The following ARHGAP28 variants were observed in gnomAD, a reference collection of about 807,000 sequenced individuals.
ARHGAP28 encodes Rho GTPase activating protein 28.
ARHGAP28 carries 56 observed loss-of-function variants against 90.7 expected under a neutral mutation model. The ratio of observed to expected loss-of-function variants is 0.62; its 90% CI spans 0.50 to 0.77. ARHGAP28 has a LOEUF of 0.77. ARHGAP28 is among the 30% of genes least tolerant of loss of function. The probability of loss-of-function intolerance (pLI) is 0.00; values close to 1 mark genes in which losing one functional copy is unlikely to be tolerated. For synonymous variants in ARHGAP28, 308 were observed against 323.3 expected (o/e 0.95, Z 0.51); for missense variants, 869 against 900.9 (o/e 0.96, Z 0.45).
intron 4 of ARHGAP28, among the ~76,000 whole-genome samples, chr18:6,852,030 CTTATACT>C (rs1327018441): frequency 1.3e-5 from 2 of 152,116 alleles, no homozygotes; most frequent in African/African-American, 4.8e-5. Context: ...TTGTATGTTA[CTTATACT>C]TTATGTACAG....
At chr18:6,895,444 A>G (rs937177520) in intron 15 of ARHGAP28, among the ~76,000 whole-genome samples, 1 of 152,204 alleles carries the variant, frequency 6.6e-6, no homozygotes, top group Non-Finnish European at 1.5e-5. Context: ...AACAATAGAC[A>G]TTTATGATTC....
intron 1 of ARHGAP28, among the ~76,000 whole-genome samples, chr18:6,756,301 C>T (rs1217511460): frequency 6.6e-6 from 1 of 152,126 alleles, no homozygotes; most frequent in East Asian, 1.9e-4. Context: ...TTTCCCTTCC[C>T]TCTCTTCCTA....
intron 1 of ARHGAP28, among the ~76,000 whole-genome samples, chr18:6,748,366 T>C (rs2056041916): frequency 6.6e-6 from 1 of 152,168 alleles, no homozygotes; most frequent in Admixed American, 6.5e-5. Flanking sequence ...CTCTGGTACA[T>C]AGAGATTAGC....
At chr18:6,866,884 T>C (rs1308848369) in intron 5 of ARHGAP28, among the ~76,000 whole-genome samples, 2 of 152,196 alleles carry the variant, frequency 1.3e-5, no homozygotes, top group African/African-American at 4.8e-5. Context: ...AAAAGAGTCT[T>C]CTCTCCCATA....
At chr18:6,761,687 A>G (rs932827382) in intron 1 of ARHGAP28, among the ~76,000 whole-genome samples, 1 of 152,218 alleles carries the variant, frequency 6.6e-6, no homozygotes, top group Non-Finnish European at 1.5e-5. Context: ...AAGCATTGTT[A>G]ATGATCGAAT....
intron 1 of ARHGAP28, chr18:6,730,221 G>GTATGTATATATATATATATATATATA: frequency 5.8e-6 from 1 of 172,248 alleles, no homozygotes; most frequent in South Asian, 2.3e-4. Context: ...TAAGTCATGT[G>GTATGTATATATATATATATATATATA]TATATATATA....
chr18:6,903,107 T>C (rs904812044), intron 16 of ARHGAP28, among the ~76,000 whole-genome samples: 1 of 152,122 alleles, frequency 6.6e-6, no homozygotes, highest in African/African-American at 2.4e-5. Flanking sequence ...GTCAGAATCA[T>C]AGAGACAGAA....
At chr18:6,795,217 C>T (rs929905946) in intron 1 of ARHGAP28, among the ~76,000 whole-genome samples, 1 of 152,112 alleles carries the variant, frequency 6.6e-6, no homozygotes, top group Non-Finnish European at 1.5e-5. Context: ...GTATGAAAAG[C>T]AACGCGTTTT....
chr18:6,754,486 T>C (rs1221770615), intron 1 of ARHGAP28, among the ~76,000 whole-genome samples: 2 of 152,120 alleles, frequency 1.3e-5, no homozygotes, highest in Non-Finnish European at 1.5e-5. Flanking sequence ...CGGAGTAGGA[T>C]AGAGTTGGCA....
chr18:6,866,628 G>A (rs537919676), intron 5 of ARHGAP28, among the ~76,000 whole-genome samples: 1 of 152,164 alleles, frequency 6.6e-6, no homozygotes, highest in Non-Finnish European at 1.5e-5. Context: ...TGCTTTGTAA[G>A]TGTTATTCTG....
At chr18:6,896,078 G>T (rs2057302977) in intron 15 of ARHGAP28, among the ~76,000 whole-genome samples, 1 of 152,132 alleles carries the variant, frequency 6.6e-6, no homozygotes, top group African/African-American at 2.4e-5. Context: ...GCTAACTAAA[G>T]AAATAGGGTA....
chr18:6,756,666 C>T (rs1468017022), intron 1 of ARHGAP28, among the ~76,000 whole-genome samples: 1 of 152,086 alleles, frequency 6.6e-6, no homozygotes, highest in South Asian at 2.1e-4. Context: ...GGTGAAATAC[C>T]ATGAGGAGCA....
chr18:6,886,454 A>G (rs186063089), intron 11 of ARHGAP28, among the ~76,000 whole-genome samples: 78 of 152,346 alleles, frequency 5.1e-4, no homozygotes, highest in African/African-American at 1.8e-3. Flanking sequence ...ACTGAGGAAG[A>G]AAATACTCAA....
intron 2 of ARHGAP28, among the ~76,000 whole-genome samples, chr18:6,827,201 A>G (rs944696138): frequency 5.9e-5 from 9 of 152,272 alleles, no homozygotes; most frequent in South Asian, 2.1e-4. Flanking sequence ...TGAGCTGTTG[A>G]GTACACCTCC....
In ARHGAP28 at chr18:6,729,771, C is replaced by T; in HGVS notation, c.-51C>T. On this transcript the variant is annotated 5_prime_UTR_variant, in exon 1 of 18. Coordinates refer to ENST00000383472, the MANE Select transcript of ARHGAP28 (RefSeq NM_001366230.1). The stretch of plus-strand genomic sequence containing the variant: ...CAGCCTCCCGGCGCGCCGGTCCATG[C>T]TGGTCCCGGTCTTTGTTCTGGGGCC... The T allele has an allele frequency of 7.5e-7, 1 of 1,339,220 alleles. No homozygotes were observed. Among genetic ancestry groups the T allele is most frequent in the South Asian group, 1.9e-5 (1 of 52,132 alleles). The allele number at this position is 1,339,220 out of a possible 1,614,324, so 83.0% of individuals were successfully genotyped here. A position where few individuals can be genotyped will look rare whatever the true frequency, so the allele number is the denominator to read the frequency against.
intron 3 of ARHGAP28, among the ~76,000 whole-genome samples, chr18:6,845,859 G>A (rs2056862335): frequency 6.6e-6 from 1 of 152,224 alleles, no homozygotes; most frequent in African/African-American, 2.4e-5. Flanking sequence ...GTAGTGATAA[G>A]TGGGAAAAAG....
intron 1 of ARHGAP28, among the ~76,000 whole-genome samples, chr18:6,767,703 A>G (rs75421899): frequency 0.026 from 3,971 of 152,120 alleles, 71 homozygotes; most frequent in Middle Eastern, 0.041. Flanking sequence ...GTTCTTCTGT[A>G]TGTAATATGT....
chr18:6,887,160 G>A lies in ARHGAP28; in HGVS notation c.1457G>A (p.Gly486Glu). The change falls in exon 12 of 18, where the codon GGG becomes GAG. Residue 486 changes from glycine (G) to glutamate (E), a missense_variant. Transcript: ENST00000383472. ...ACTATTTCTGTTTTCTTGTTAGGAGGGCCTCACGTCAAAGTACAGTTTCAA... is the reference window on the plus strand; with the variant it reads ...ACTATTTCTGTTTTCTTGTTAGGAGAGCCTCACGTCAAAGTACAGTTTCAA... ...IPAFISLMER[G>E]PHVKVQFQAL... The A allele has an allele frequency of 1.2e-6, 2 of 1,613,826 alleles. No homozygotes were observed. Among genetic ancestry groups the A allele is most frequent in the East Asian group, 2.2e-5 (1 of 44,870 alleles).
chr18:6,740,995 C>G (rs917331206), intron 1 of ARHGAP28, among the ~76,000 whole-genome samples: 2 of 152,198 alleles, frequency 1.3e-5, no homozygotes, highest in Admixed American at 6.5e-5. Flanking sequence ...GAGGGGAGAA[C>G]TGGCTCCCTG....
Sources: allele counts gnomAD v4.1 joint callset (sites outside exome capture counted in the v4.1 genomes callset), GRCh38; gene constraint gnomAD v4.1.1; transcripts MANE v1.5; gene names NCBI Gene and HGNC (gene_info 2026-07-23, HGNC 2026-07-21).